MASP1: variants seen among roughly 807,000 people sequenced by gnomAD.
MASP1 encodes the protein mannan-binding lectin serine protease 1.
A neutral mutation model predicts 77.1 loss-of-function variants in MASP1; 59 were observed. The ratio of observed to expected loss-of-function variants is 0.77; its 90% CI spans 0.62 to 0.95. The LOEUF (loss-of-function observed/expected upper bound fraction) is 0.95. Among genes scored for constraint, MASP1 ranks in the 40% least tolerant of loss-of-function variants. MASP1 has a pLI of 0.00. For missense variants in MASP1, 885 were observed against 912.9 expected (o/e 0.97, Z 0.39); for synonymous variants, 362 against 354.5 (o/e 1.02, Z -0.24).
intron 6 of MASP1, among the ~76,000 whole-genome samples, chr3:187,252,672 A>C: frequency 6.6e-6 from 1 of 152,132 alleles, no homozygotes; most frequent in East Asian, 1.9e-4. Context: ...GAATGGCTCG[A>C]TCAAGGTTTG....
At position 187,234,805 on chromosome 3, in the gene MASP1, TG is replaced by T. The variant is rs1263850585; in HGVS notation, c.*878del. 7.8e-7 allele frequency: 1 copy of T among 1,287,170 alleles called. No individual in the cohort carries two copies. Among genetic ancestry groups the T allele is most frequent in the East Asian group, 5.5e-5 (1 of 18,040 alleles). The allele number at this position is 1,287,170 out of a possible 1,614,324, so 79.7% of individuals were successfully genotyped here. On this transcript the variant is annotated 3_prime_UTR_variant, in exon 11 of 11. Transcript: ENST00000296280. ...TCGACTAAGTCCCCATATTCGGGCC[TG>T]GGCTTCAGGTAGCCTTTCAGATAAT...
intron 7 of MASP1, chr3:187,251,318 T>C: frequency 2.8e-6 from 1 of 352,376 alleles, no homozygotes; most frequent in Non-Finnish European, 5.4e-6. Flanking sequence ...CACTCCCCTC[T>C]ATAAGCCCGA....
chr3:187,224,169 T>C lies in MASP1; in HGVS notation c.1742-975A>G, dbSNP rs140595572. Among the ~76,000 whole-genome samples, 105 of 152,296 alleles carry C rather than the reference T, an allele frequency of 6.9e-4. 2 individuals are homozygous for C. In the Middle Eastern group the frequency reaches 0.041, roughly 59 times the overall value. ...AGAATGAAAAGGAAGCCAGCTGACA[T>C]GGGTCACCTATGTTTAAGTATTATC... On this transcript the variant is annotated intron_variant, in intron 13 of 15. Transcript: ENST00000337774.
intron 8 of MASP1, chr3:187,246,471 G>T (rs1224989828): frequency 1.0e-6 from 1 of 985,354 alleles, no homozygotes; most frequent in Non-Finnish European, 1.2e-6. Context: ...ACTGCCCAGG[G>T]TTCTCCCCTC....
intron 8 of MASP1, chr3:187,243,859 C>T: frequency 1.8e-6 from 1 of 560,146 alleles, no homozygotes; most frequent in Non-Finnish European, 3.2e-6. Context: ...GGTCAACTCA[C>T]CTGCCCAGTG....
In MASP1 at chr3:187,235,755, T is replaced by TG. The variant is rs1447901425; in HGVS notation, c.2115dup (p.Asn706GlnfsTer26). ...TGCTCCCACACCCAGTCCACGTAAT[T>TG]GGAGACCTTTGTGTAGACTCCATAG... On this transcript the variant is annotated frameshift_variant, in exon 11 of 11. Transcript: ENST00000296280. LOFTEE classifies it high-confidence loss of function. The TG allele has an allele frequency of 1.2e-6, 2 of 1,614,052 alleles. No homozygotes were observed. Among genetic ancestry groups the TG allele is most frequent in the African/African-American group, 2.7e-5 (2 of 74,916 alleles).
Position 187,243,550 on chromosome 3 carries a change from T to C in MASP1, c.1162A>G (p.Thr388Ala). 1 of 1,614,142 alleles carries C rather than the reference T, an allele frequency of 6.2e-7. No homozygotes were observed. Among genetic ancestry groups the C allele is most frequent in the Non-Finnish European group, 8.5e-7 (1 of 1,179,984 alleles). Reference protein sequence around the residue: ...ITFSTRNNLTTYKSEIKYSCQ... With the variant: ...ITFSTRNNLTAYKSEIKYSCQ... ...GAGTATTTGATCTCAGACTTGTATG[T>C]GGTGAGGTTGTTCCTTGTAGAGAAG... Residue 388 changes from threonine to alanine, a missense_variant, in exon 9 of 11, where the codon ACA becomes GCA. Transcript: ENST00000296280.
intron 10 of MASP1, among the ~76,000 whole-genome samples, chr3:187,240,445 T>G (rs1213371032): frequency 6.6e-6 from 1 of 152,168 alleles, no homozygotes; most frequent in African/African-American, 2.4e-5. Context: ...TCTTGAGTGA[T>G]TGTATCATTA....
At position 187,288,208 on chromosome 3, in the gene MASP1, C is replaced by G. The variant is rs765486169; in HGVS notation, c.6-2152G>C. ...ATCCCATAGCCAATGTCAATATTTT[C>G]TTAAACCAATCTGTGGAAGGAGGGC... On this transcript the variant is annotated intron_variant, in intron 1 of 10. Coordinates refer to ENST00000296280, the MANE Select transcript of MASP1 (RefSeq NM_139125.4). Among the ~76,000 whole-genome samples the G allele has an allele frequency of 6.6e-5, 10 of 152,256 alleles. No homozygotes were observed. The South Asian group carries it at 1.5e-3, about 22-fold the overall frequency.
chr3:187,265,828 G>T (rs73886132), intron 2 of MASP1, among the ~76,000 whole-genome samples: 20,700 of 152,134 alleles, frequency 0.14, 2,235 homozygotes, highest in African/African-American at 0.3. Context: ...AATTTTCCTG[G>T]CTCAAAGGCC....
chr3:187,235,288 A>G lies in MASP1; in HGVS notation c.*396T>C. On this transcript the variant is annotated 3_prime_UTR_variant, in exon 11 of 11. Coordinates refer to ENST00000296280, the MANE Select transcript of MASP1 (RefSeq NM_139125.4). ...TGTTAGAAACCATTTTCTAATAGTC[A>G]GGTCCAAGCTCAGTTATACCAACAG... is the stretch of plus-strand genomic sequence containing the variant. The G allele has an allele frequency of 7.6e-7, 1 of 1,315,186 alleles. No individual in the cohort carries two copies. 81.5% of individuals were successfully genotyped at this position (1,315,186 alleles called of 1,614,324 possible). A position where few individuals can be genotyped will look rare whatever the true frequency, so the allele number is the denominator to read the frequency against.
intron 1 of MASP1, among the ~76,000 whole-genome samples, chr3:187,289,343 T>C (rs1473368360): frequency 6.6e-6 from 1 of 152,162 alleles, no homozygotes; most frequent in Non-Finnish European, 1.5e-5. Context: ...TGGAAGGGAC[T>C]GCATGGATCC....
chr3:187,262,651 C>T lies in MASP1; in HGVS notation c.307G>A (p.Gly103Ser), dbSNP rs199628370. ...CCAGGGGAGAGGACCACCTCCTGGCCGGGAGTCTGCTCTGTGTCTGTGGTC... is the reference window on the plus strand; with the variant it reads ...CCAGGGGAGAGGACCACCTCCTGGCTGGGAGTCTGCTCTGTGTCTGTGGTC... ...RETTDTEQTP[G>S]QEVVLSPGSF... The change falls in exon 3 of 11, where the codon GGC becomes AGC. Residue 103 changes from glycine (G) to serine (S), a missense_variant. Physicochemically the swap from Gly to Ser is moderately conservative, Grantham distance 56. Coordinates refer to ENST00000296280, the MANE Select transcript of MASP1 (RefSeq NM_139125.4). The T allele has an allele frequency of 3.1e-4, 497 of 1,614,060 alleles. 3 individuals carry two copies. Among genetic ancestry groups the T allele is most frequent in the Middle Eastern group, 1.6e-4 (1 of 6,062 alleles).
intron 2 of MASP1, among the ~76,000 whole-genome samples, chr3:187,266,544 C>T (rs536536116): frequency 2.6e-5 from 4 of 151,866 alleles, no homozygotes; most frequent in Non-Finnish European, 2.9e-5. Context: ...GAGACTGAAA[C>T]GTGAATAGAA....
rs1343964964 is a variant in MASP1, at chr3:187,234,175, A to G, written c.*1509T>C. 1 of 1,287,136 alleles carries G rather than the reference A, an allele frequency of 7.8e-7. No homozygotes were observed. 79.7% of individuals were successfully genotyped at this position (1,287,136 alleles called of 1,614,324 possible). A position where few individuals can be genotyped will look rare whatever the true frequency, so the allele number is the denominator to read the frequency against. ...TACAGAATGGTGAAGCATATGATAT[A>G]AAAGATACAAAATATAACATCATTT... is the stretch of plus-strand genomic sequence containing the variant. On this transcript the variant is annotated 3_prime_UTR_variant, in exon 11 of 11. Coordinates refer to ENST00000296280, the MANE Select transcript of MASP1 (RefSeq NM_139125.4).
chr3:187,262,311 G>A (rs1046853991), intron 3 of MASP1, among the ~76,000 whole-genome samples: 1 of 152,222 alleles, frequency 6.6e-6, no homozygotes, highest in African/African-American at 2.4e-5. Flanking sequence ...TTAGGAAGAA[G>A]TATACTGATG....
Position 187,236,474 on chromosome 3 carries a change from A to G in MASP1, c.1397T>C (p.Leu466Pro). The G allele has an allele frequency of 6.2e-7, 1 of 1,614,034 alleles. No homozygotes were observed. Among genetic ancestry groups the G allele is most frequent in the Non-Finnish European group, 8.5e-7 (1 of 1,180,016 alleles). ...AEPGLFPWQA[L>P]IVVEDTSRVP... The stretch of plus-strand genomic sequence containing the variant: ...TCTCGAAGTGTCCTCCACCACTATC[A>G]GGGCCTGCCACGGGAAGAGGCCAGG... Residue 466 changes from leucine (L) to proline (P), a missense_variant, in exon 11 of 11, where the codon CTG becomes CCG. Transcript: ENST00000296280.
chr3:187,273,005 G>A (rs902598190), intron 2 of MASP1, among the ~76,000 whole-genome samples: 4 of 152,110 alleles, frequency 2.6e-5, no homozygotes, highest in Admixed American at 1.3e-4. Flanking sequence ...AAAAGTGCCC[G>A]GGATACGTTG....
chr3:187,268,211 A>G (rs1275784106), intron 2 of MASP1, among the ~76,000 whole-genome samples: 1 of 152,188 alleles, frequency 6.6e-6, no homozygotes. Flanking sequence ...GCAAGGTGTG[A>G]TGCCTCATAC....
Sources: allele counts gnomAD v4.1 joint callset (sites outside exome capture counted in the v4.1 genomes callset), GRCh38; gene constraint gnomAD v4.1.1; transcripts MANE v1.5; gene names NCBI Gene and HGNC (gene_info 2026-07-23, HGNC 2026-07-21).